The following HOOK1 variants were observed in gnomAD, a reference collection of about 807,000 sequenced individuals.
The protein encoded by HOOK1 is hook microtubule tethering protein 1.
A neutral mutation model predicts 112.8 loss-of-function variants in HOOK1; 60 were observed. The observed-to-expected ratio is 0.53, with a 90% confidence interval of 0.43 to 0.66. The LOEUF (loss-of-function observed/expected upper bound fraction) is 0.66, where lower values mean the gene tolerates loss of function less well. HOOK1 is among the 30% of genes least tolerant of loss of function. The probability of loss-of-function intolerance (pLI) is 0.00; values close to 1 mark genes in which losing one functional copy is unlikely to be tolerated. For missense variants in HOOK1, 770 were observed against 856.0 expected (o/e 0.90, Z 1.25); for synonymous variants, 294 against 283.8 (o/e 1.04, Z -0.36).
chr1:59,835,234 C>T (rs562618627), intron 5 of HOOK1, 111 bp from the exon 6 acceptor site: 7 of 685,458 alleles, frequency 1.0e-5, no homozygotes, highest in Non-Finnish European at 1.8e-5. Context: ...AATGTATTTA[C>T]ATAAAGGATT....
In HOOK1 at chr1:59,833,593, C is replaced by T. The variant is rs1020490478; in HGVS notation, c.406+56C>T. ...TACTTTCTAGAAACTTTCTACATTG[C>T]TATATAAGCTAGCATTAAATCATAC... is the stretch of plus-strand genomic sequence containing the variant. On this transcript the variant is annotated intron_variant, in intron 5 of 21. Coordinates refer to ENST00000371208, the MANE Select transcript of HOOK1 (RefSeq NM_015888.6). 29 of 1,362,130 alleles carry T rather than the reference C, an allele frequency of 2.1e-5. No individual in the cohort carries two copies. The African/African-American group carries it at 3.3e-4, about 16-fold the overall frequency. The allele number at this position is 1,362,130 out of a possible 1,614,324, so 84.4% of individuals were successfully genotyped here.
chr1:59,865,896 C>A lies in HOOK1; in HGVS notation c.1769C>A (p.Ala590Asp), dbSNP rs377499497. ...QNVQKINELE[A>D]ALQKKDEDMK... ...GTACAAAAGATCAATGAACTTGAAG[C>A]TGCTCTTCAGAAGAAAGATGAAGAT... The change falls in exon 19 of 22, where the codon GCT becomes GAT. Residue 590 changes from alanine to aspartate, a missense_variant. Transcript: ENST00000371208. The A allele has an allele frequency of 1.3e-6, 2 of 1,584,928 alleles. No individual in the cohort carries two copies.
intron 2 of HOOK1, among the ~76,000 whole-genome samples, chr1:59,826,636 G>A (rs2098390149): frequency 6.6e-6 from 1 of 152,158 alleles, no homozygotes; most frequent in African/African-American, 2.4e-5. Flanking sequence ...TCACATACTT[G>A]GATTTTTTTA....
chr1:59,851,275 C>T (rs1292629028), intron 12 of HOOK1, among the ~76,000 whole-genome samples: 1 of 151,560 alleles, frequency 6.6e-6, no homozygotes, highest in Non-Finnish European at 1.5e-5. Context: ...AATGTTGCCA[C>T]TTAACAGTAT....
In HOOK1 at chr1:59,875,619, A is replaced by T. The variant is rs540860277; in HGVS notation, c.*2654A>T. The T allele has an allele frequency of 6.6e-6, 1 of 152,444 alleles. No homozygotes were observed. The highest frequency in any genetic ancestry group is 1.9e-4 in the East Asian group (1 of 5,190). 9.4% of individuals were successfully genotyped at this position (152,444 alleles called of 1,614,324 possible). On this transcript the variant is annotated 3_prime_UTR_variant, in exon 22 of 22. Transcript: ENST00000371208. ...TCAGCATTTGTCTATTTGATAAGGA[A>T]TTAAATGTCCTAGTGATTATAAAGT...
At chr1:59,838,507 C>T (rs1211902601) in intron 7 of HOOK1, among the ~76,000 whole-genome samples, 1 of 152,130 alleles carries the variant, frequency 6.6e-6, no homozygotes, top group Non-Finnish European at 1.5e-5. Flanking sequence ...TGAGAAGTGT[C>T]TTCTTTTGAG....
At position 59,873,513 on chromosome 1, in the gene HOOK1, TG is replaced by T. The variant is rs1644089749; in HGVS notation, c.*550del. Reference sequence around the variant, plus strand: ...TGTGTACCTCTACCTTGTCATGTCATGGAAGATACAACATTTGGAAGATCTG... The same window carrying T: ...TGTGTACCTCTACCTTGTCATGTCATGAAGATACAACATTTGGAAGATCTG... On this transcript the variant is annotated 3_prime_UTR_variant, in exon 22 of 22. Coordinates refer to ENST00000371208, the MANE Select transcript of HOOK1 (RefSeq NM_015888.6). 6.6e-6 allele frequency: 1 copy of T among 151,804 alleles called. No homozygotes were observed. Among genetic ancestry groups the T allele is most frequent in the African/African-American group, 2.4e-5 (1 of 41,372 alleles). 9.4% of individuals were successfully genotyped at this position (151,804 alleles called of 1,614,324 possible). A position where few individuals can be genotyped will look rare whatever the true frequency, so the allele number is the denominator to read the frequency against.
chr1:59,846,609 CCTCT>C (rs1198805636), intron 9 of HOOK1, among the ~76,000 whole-genome samples: 2 of 132,540 alleles, frequency 1.5e-5, no homozygotes, highest in Non-Finnish European at 3.3e-5. Flanking sequence ...TCCCTCCCTC[CCTCT>C]CTCTCTCTCA....
At chr1:59,843,646 C>T in intron 9 of HOOK1, 48 bp downstream of exon 9, 1 of 1,457,480 alleles carries the variant, frequency 6.9e-7, no homozygotes, top group East Asian at 2.3e-5. Context: ...TCTATTATAC[C>T]AGTAGCAAAA....
chr1:59,858,718 GAAAGAGAA>G (rs1453464886), intron 13 of HOOK1, among the ~76,000 whole-genome samples: 3 of 150,076 alleles, frequency 2.0e-5, no homozygotes, highest in Admixed American at 6.7e-5. Flanking sequence ...GGCTTGGTGT[GAAAGAGAA>G]AAAGAGAGAA....
intron 5 of HOOK1, among the ~76,000 whole-genome samples, chr1:59,833,973 A>G (rs2098395841): frequency 6.6e-6 from 1 of 152,214 alleles, no homozygotes; most frequent in African/African-American, 2.4e-5. Context: ...TATCTGTCCA[A>G]TATATCCTCC....
chr1:59,872,890 C>A lies in HOOK1; in HGVS notation c.2112C>A (p.Phe704Leu). The A allele has an allele frequency of 6.5e-7, 1 of 1,528,792 alleles. No individual in the cohort carries two copies. 94.7% of individuals were successfully genotyped at this position (1,528,792 alleles called of 1,614,324 possible). The change falls in exon 22 of 22, where the codon TTC becomes TTA. Residue 704 changes from phenylalanine to leucine, a missense_variant. Transcript: ENST00000371208. ...DTGACTPARS[F>L]LAQQRHITNT... The stretch of plus-strand genomic sequence containing the variant: ...GTGCGTGCACTCCTGCGCGGTCTTT[C>A]TTAGCGCAGCAACGGCACATCACCA...
At chr1:59,829,115 G>A (rs1307311109) in intron 3 of HOOK1, among the ~76,000 whole-genome samples, 1 of 152,004 alleles carries the variant, frequency 6.6e-6, no homozygotes, top group African/African-American at 2.4e-5. Context: ...TCTGTTTTAT[G>A]TTACTATGGA....
chr1:59,846,202 T>G (rs548627384), intron 9 of HOOK1, among the ~76,000 whole-genome samples: 5 of 151,984 alleles, frequency 3.3e-5, no homozygotes, highest in Admixed American at 3.3e-4. Context: ...TTAAGTTGTT[T>G]AATTTATCGA....
At position 59,864,612 on chromosome 1, in the gene HOOK1, AT is replaced by A; in HGVS notation, c.1627-12del. On this transcript the variant is annotated intron_variant, in intron 16 of 21. Coordinates refer to ENST00000371208, the MANE Select transcript of HOOK1 (RefSeq NM_015888.6). ...TTGTCAAGATAGTCATCTTACAGCAATTTTTTTTAAATTTTATAGTCCAGCA... is the reference window on the plus strand; with the variant it reads ...TTGTCAAGATAGTCATCTTACAGCAATTTTTTTAAATTTTATAGTCCAGCA... 3.2e-5 allele frequency: 47 copies of A among 1,491,144 alleles called. No homozygotes were observed. The highest frequency in any genetic ancestry group is 7.0e-5 in the Admixed American group (4 of 57,248). 92.4% of individuals were successfully genotyped at this position (1,491,144 alleles called of 1,614,324 possible). A position where few individuals can be genotyped will look rare whatever the true frequency, so the allele number is the denominator to read the frequency against.
chr1:59,834,885 C>T (rs1467891089), intron 5 of HOOK1, among the ~76,000 whole-genome samples: 1 of 151,922 alleles, frequency 6.6e-6, no homozygotes, highest in African/African-American at 2.4e-5. Flanking sequence ...AATTAATCAG[C>T]TGTTCCTTTT....
chr1:59,842,708 A>G (rs2098401631), intron 8 of HOOK1, among the ~76,000 whole-genome samples: 1 of 152,190 alleles, frequency 6.6e-6, no homozygotes, highest in Non-Finnish European at 1.5e-5. Context: ...AATCATATGT[A>G]AAAGTTCTGG....
At chr1:59,861,375 T>C (rs1048235486) in intron 15 of HOOK1, among the ~76,000 whole-genome samples, 2 of 152,226 alleles carry the variant, frequency 1.3e-5, no homozygotes, top group African/African-American at 4.8e-5. Context: ...ACTTATTAAC[T>C]GTTTCTGGAC....
chr1:59,854,062 T>G (rs1484795750), intron 12 of HOOK1, among the ~76,000 whole-genome samples: 2 of 106,260 alleles, frequency 1.9e-5, no homozygotes, highest in African/African-American at 3.7e-5. Context: ...TTTTTTTTTT[T>G]TTTTTTTGAG....
Sources: gnomAD v4.1 joint callset for allele counts (sites outside exome capture counted in the v4.1 genomes callset) on GRCh38, gnomAD v4.1.1 for gene constraint, MANE v1.5 for transcripts, NCBI Gene and HGNC (gene_info 2026-07-23, HGNC 2026-07-21) for gene names.